ZFAND3: variants seen among roughly 807,000 people sequenced by gnomAD.
ZFAND3 encodes zinc finger AN1-type containing 3.
A neutral mutation model predicts 29.6 loss-of-function variants in ZFAND3; 10 were observed. That is an observed-to-expected ratio of 0.34 (90% CI 0.21 to 0.57). ZFAND3 has a LOEUF of 0.57. ZFAND3 is among the 20% of genes least tolerant of loss of function. ZFAND3 has a pLI of 0.86. For missense variants in ZFAND3, 230 were observed against 304.5 expected (o/e 0.76, Z 1.82); for synonymous variants, 128 against 112.6 (o/e 1.14, Z -0.87).
chr6:37,944,776 TC>T (rs1761871816), intron 2 of ZFAND3, among the ~76,000 whole-genome samples: 1 of 152,194 alleles, frequency 6.6e-6, no homozygotes, highest in African/African-American at 2.4e-5. Flanking sequence ...CAGTGGGACA[TC>T]AACTCTGATC....
intron 2 of ZFAND3, among the ~76,000 whole-genome samples, chr6:37,989,982 C>G (rs771206545): frequency 5.9e-5 from 9 of 152,142 alleles, no homozygotes; most frequent in Non-Finnish European, 1.2e-4. Context: ...CGGAGACGAG[C>G]CTTGTCTCAT....
chr6:38,017,097 G>A (rs1763264852), intron 2 of ZFAND3, among the ~76,000 whole-genome samples: 1 of 152,200 alleles, frequency 6.6e-6, no homozygotes, highest in Non-Finnish European at 1.5e-5. Flanking sequence ...TCTCCCCAGT[G>A]AAAGCATTAT....
chr6:38,012,086 T>C (rs1054475073), intron 2 of ZFAND3, among the ~76,000 whole-genome samples: 7 of 152,124 alleles, frequency 4.6e-5, no homozygotes, highest in African/African-American at 1.7e-4. Flanking sequence ...TTATGTTAAA[T>C]GGTGGGGATG....
At chr6:38,077,770 A>G (rs964425378) in intron 3 of ZFAND3, among the ~76,000 whole-genome samples, 4 of 152,188 alleles carry the variant, frequency 2.6e-5, no homozygotes, top group East Asian at 3.8e-4. Context: ...AAGAAATGGT[A>G]TTTTTCTGTA....
intron 2 of ZFAND3, among the ~76,000 whole-genome samples, chr6:38,033,070 A>G (rs1284419300): frequency 6.6e-6 from 1 of 152,190 alleles, no homozygotes; most frequent in African/African-American, 2.4e-5. Context: ...CTGAAAAAAA[A>G]TGGAAGCCTG....
intron 2 of ZFAND3, among the ~76,000 whole-genome samples, chr6:38,049,099 G>A (rs1171510586): frequency 6.6e-6 from 1 of 152,096 alleles, no homozygotes; most frequent in African/African-American, 2.4e-5. Context: ...GTTGTGTTAG[G>A]CCACCTAACT....
intron 2 of ZFAND3, among the ~76,000 whole-genome samples, chr6:38,018,699 A>G (rs1763293424): frequency 6.6e-6 from 1 of 152,144 alleles, no homozygotes; most frequent in East Asian, 1.9e-4. Context: ...GTTTTGGAGT[A>G]TTTAGATTAC....
chr6:38,035,303 T>C (rs1212054631), intron 2 of ZFAND3, among the ~76,000 whole-genome samples: 1 of 152,222 alleles, frequency 6.6e-6, no homozygotes, highest in Non-Finnish European at 1.5e-5. Context: ...TTTCAAAATA[T>C]ATTATCATAG....
chr6:38,093,164 A>G (rs1764906834), intron 4 of ZFAND3, among the ~76,000 whole-genome samples: 1 of 152,256 alleles, frequency 6.6e-6, no homozygotes, highest in South Asian at 2.1e-4. Flanking sequence ...ACTTGCCAAA[A>G]AAACCAGTTC....
intron 1 of ZFAND3, among the ~76,000 whole-genome samples, chr6:37,907,478 C>A (rs1010674094): frequency 1.3e-5 from 2 of 152,138 alleles, no homozygotes; most frequent in Non-Finnish European, 2.9e-5. Context: ...TAAATGGAAT[C>A]ATAATGTATA....
chr6:37,976,808 CATG>C (rs893176514), intron 2 of ZFAND3, among the ~76,000 whole-genome samples: 1 of 152,068 alleles, frequency 6.6e-6, no homozygotes, highest in Non-Finnish European at 1.5e-5. Context: ...CCCTCACTAT[CATG>C]AGAACAGCAT....
Position 37,930,578 on chromosome 6 carries a change from T to G in ZFAND3, c.112+579T>G, listed in dbSNP as rs374309285. Among the ~76,000 whole-genome samples the G allele has an allele frequency of 3.3e-5, 5 of 152,248 alleles. No homozygotes were observed. In the South Asian group the frequency reaches 1.0e-3, roughly 32 times the overall value. ...GATCCCTCATTCAAATCACCTCGGG[T>G]AAGTCACGTAATCTCTTTGGACCTT... is the stretch of plus-strand genomic sequence containing the variant. On this transcript the variant is annotated intron_variant, in intron 2 of 5. Coordinates refer to ENST00000287218, the MANE Select transcript of ZFAND3 (RefSeq NM_021943.3).
chr6:38,019,956 G>C (rs1013393383), intron 2 of ZFAND3, among the ~76,000 whole-genome samples: 1 of 152,224 alleles, frequency 6.6e-6, no homozygotes, highest in African/African-American at 2.4e-5. Context: ...CTGGCCTCAA[G>C]TTATCTGCCC....
chr6:38,108,067 T>C (rs557765597), intron 4 of ZFAND3, among the ~76,000 whole-genome samples: 1 of 152,254 alleles, frequency 6.6e-6, no homozygotes, highest in African/African-American at 2.4e-5. Flanking sequence ...TTAAGAACAA[T>C]GAGGGTAATT....
intron 5 of ZFAND3, among the ~76,000 whole-genome samples, chr6:38,132,828 ACT>A (rs1412834980): frequency 1.3e-5 from 2 of 152,218 alleles, no homozygotes; most frequent in African/African-American, 4.8e-5. Flanking sequence ...CCCAGCTTAA[ACT>A]GGCCTCCCTC....
intron 1 of ZFAND3, among the ~76,000 whole-genome samples, chr6:37,896,558 C>CTTTCTTTCTTTCTTTCTTTCT (rs1554153854): frequency 3.6e-5 from 5 of 138,326 alleles, no homozygotes; most frequent in African/African-American, 5.5e-5. Context: ...TTCTTTCTTT[C>CTTTCTTTCTTTCTTTCTTTCT]TTTCTTTCTT....
intron 4 of ZFAND3, among the ~76,000 whole-genome samples, chr6:38,092,499 C>T (rs1178773510): frequency 3.3e-5 from 5 of 152,150 alleles, no homozygotes; most frequent in Admixed American, 6.5e-5. Flanking sequence ...AAATATAGTA[C>T]TAATGTTGTA....
At chr6:38,003,816 C>A in intron 2 of ZFAND3, 1 of 452,412 alleles carries the variant, frequency 2.2e-6, no homozygotes, top group Non-Finnish European at 4.4e-6. Context: ...AGTCCAGAAT[C>A]TTAACATTGC....
rs183364671 is a variant in ZFAND3, at chr6:37,929,651, A to G, written c.72-308A>G. On this transcript the variant is annotated intron_variant, in intron 1 of 5. Transcript: ENST00000287218. ...CATACCATCTTCTGGGCATTTTATA[A>G]TGTTTCTGAACTTGCTGCTATATAA... is the stretch of plus-strand genomic sequence containing the variant. 7.1e-3 allele frequency among the ~76,000 whole-genome samples: 1,075 copies of G among 152,300 alleles called. 12 individuals are homozygous for G. The highest frequency in any genetic ancestry group is 0.024 in the African/African-American group (990 of 41,560).
Sources: gnomAD v4.1 joint callset for allele counts (sites outside exome capture counted in the v4.1 genomes callset) on GRCh38, gnomAD v4.1.1 for gene constraint, MANE v1.5 for transcripts, NCBI Gene and HGNC (gene_info 2026-07-23, HGNC 2026-07-21) for gene names.